Variants in PABPN1L observed in about 807,000 individuals in gnomAD.
The protein encoded by PABPN1L is embryonic polyadenylate-binding protein 2.
In PABPN1L, 45 loss-of-function variants were observed where a neutral mutation model predicts 34.0. The ratio of observed to expected loss-of-function variants is 1.32; its 90% CI spans 1.04 to 1.70. The LOEUF (loss-of-function observed/expected upper bound fraction) is 1.70, where lower values mean the gene tolerates loss of function less well. Ranked by LOEUF, PABPN1L falls within the 40% of genes most tolerant of loss-of-function variation. The probability of loss-of-function intolerance (pLI) is 0.00; values close to 1 mark genes in which losing one functional copy is unlikely to be tolerated. For missense variants in PABPN1L, 459 were observed against 367.8 expected (o/e 1.25, Z -2.03); for synonymous variants, 182 against 152.1 (o/e 1.20, Z -1.45).
Position 88,864,941 on chromosome 16 carries a change from C to G in PABPN1L, c.567-1G>C, listed in dbSNP as rs769767900. 1.3e-5 allele frequency: 14 copies of G among 1,060,336 alleles called. No homozygotes were observed. Among genetic ancestry groups the G allele is most frequent in the African/African-American group, 2.0e-5 (1 of 49,442 alleles). The allele number at this position is 1,060,336 out of a possible 1,614,324, so 65.7% of individuals were successfully genotyped here. The stretch of plus-strand genomic sequence containing the variant: ...GGTGGCAAACTCTATGTAGGCATAA[C>G]TGAGGGGAGGGGCAGGGAGGGGAGG... On this transcript the variant is annotated splice_acceptor_variant, in intron 4 of 6. Transcript: ENST00000419291. LOFTEE classifies it high-confidence loss of function.
At chr16:88,866,429 C>A (rs1006266517) in exon 1 of PABPN1L, 1 of 1,551,560 alleles carries the variant, frequency 6.4e-7, no homozygotes. Flanking sequence ...CCATCCTGGT[C>A]TTCCTCTGCA....
At chr16:88,867,598 G>C (rs1181614401), upstream of PABPN1L, among the ~76,000 whole-genome samples, 2 of 151,784 alleles carry the variant, frequency 1.3e-5, no homozygotes, top group Non-Finnish European at 2.9e-5. Context: ...CGGGGGCTCC[G>C]TGGGGAGTGA....
upstream of PABPN1L, among the ~76,000 whole-genome samples, chr16:88,866,908 T>C (rs185776390): frequency 3.0e-4 from 46 of 152,348 alleles, 2 homozygotes; most frequent in African/African-American, 1.1e-3. Context: ...ACTGGAGCCT[T>C]GGTCTGTGAC....
In PABPN1L at chr16:88,866,347, G is replaced by A. The variant is rs370971701; in HGVS notation, c.255+5C>T. The A allele has an allele frequency of 2.4e-5, 37 of 1,548,604 alleles. No individual in the cohort carries two copies. The highest frequency in any genetic ancestry group is 3.1e-5 in the Non-Finnish European group (35 of 1,146,742). On this transcript the variant is annotated splice_donor_5th_base_variant and intron_variant, in intron 1 of 6. Coordinates refer to ENST00000419291, the Ensembl canonical transcript of PABPN1L. ...AGATCCCCAGGGCCTCCACACAGCT[G>A]TTACCTGGTCAGGCAATGGGCACTC...
At chr16:88,865,492 C>T (rs1177395355) in intron 3 of PABPN1L, 71 bp downstream of exon 3, 19 of 1,550,370 alleles carry the variant, frequency 1.2e-5, no homozygotes, top group East Asian at 9.7e-5. Flanking sequence ...GGCCCATGGC[C>T]GGGCGCCAGA....
At position 88,863,803 on chromosome 16, in the gene PABPN1L, G is replaced by A; in HGVS notation, c.798-8C>T. ...GAGAATTTTCCACGGGCCCTGCACGGAGAGAGAACACACACTGAGTGGCCT... is the reference window on the plus strand; with the variant it reads ...GAGAATTTTCCACGGGCCCTGCACGAAGAGAGAACACACACTGAGTGGCCT... On this transcript the variant is annotated splice_region_variant and splice_polypyrimidine_tract_variant and intron_variant, in intron 6 of 6. Coordinates refer to ENST00000419291, the Ensembl canonical transcript of PABPN1L. The A allele has an allele frequency of 6.5e-7, 1 of 1,535,808 alleles. No individual in the cohort carries two copies. Among genetic ancestry groups the A allele is most frequent in the South Asian group, 1.2e-5 (1 of 84,040 alleles).
chr16:88,867,589 G>A (rs1350610346), upstream of PABPN1L, among the ~76,000 whole-genome samples: 3 of 152,128 alleles, frequency 2.0e-5, no homozygotes, highest in South Asian at 4.1e-4. Flanking sequence ...GCTGTGGGGC[G>A]GGGGCTCCGT....
rs369188821 is a variant in PABPN1L at position 88,866,547 on chromosome 16, C to T, written c.60G>A (p.Thr20=). Reference sequence around the variant, plus strand: ...CCTGGGCCTCAGGGTCTGAGGAGACCGTCTGGAGCCAGGCCTGAGTCGGGG... The same window carrying T: ...CCTGGGCCTCAGGGTCTGAGGAGACTGTCTGGAGCCAGGCCTGAGTCGGGG... The change falls in exon 1 of 7, where the codon ACG becomes ACA. Residue 20 remains threonine, a synonymous_variant. Coordinates refer to ENST00000419291, the Ensembl canonical transcript of PABPN1L. 4.9e-4 allele frequency: 759 copies of T among 1,551,954 alleles called. 4 individuals are homozygous for T. The highest frequency in any genetic ancestry group is 2.6e-4 in the Non-Finnish European group (301 of 1,147,624).
intron 5 of PABPN1L, 65 bp downstream of exon 5, chr16:88,864,788 G>C (rs951490505): frequency 2.0e-6 from 3 of 1,474,336 alleles, no homozygotes; most frequent in Non-Finnish European, 2.8e-6. Context: ...GCTGCTGTGT[G>C]TCCCAGGGCC....
At chr16:88,866,695 A>C (rs1341168804), upstream of PABPN1L, 12 of 1,437,252 alleles carry the variant, frequency 8.3e-6, no homozygotes, top group Admixed American at 3.0e-4. Flanking sequence ...CTGGAGTTTT[A>C]AGCCCTCCCC....
chr16:88,865,128 C>T (rs1968559301), exon 4 of PABPN1L: 1 of 1,567,126 alleles, frequency 6.4e-7, no homozygotes, highest in Non-Finnish European at 8.6e-7. Flanking sequence ...CCGTAGTCCA[C>T]CTGCACCCAG....
At chr16:88,863,466 T>C in exon 7 of PABPN1L, 1 of 553,762 alleles carries the variant, frequency 1.8e-6, no homozygotes, top group South Asian at 2.2e-5. Context: ...TGCCTGGGAC[T>C]CTGCTCCTCC....
intron 2 of PABPN1L, 23 bp downstream of exon 2, chr16:88,865,783 C>A (rs779590368): frequency 1.4e-5 from 22 of 1,589,298 alleles, no homozygotes; most frequent in Non-Finnish European, 1.8e-5. Context: ...CAGTGGGGGG[C>A]GGCCTGTGCC....
chr16:88,865,972 C>G, intron 1 of PABPN1L, 31 bp from the exon 2 acceptor site: 1 of 1,589,666 alleles, frequency 6.3e-7, no homozygotes, highest in Non-Finnish European at 8.5e-7. Flanking sequence ...GCCGGGCAGG[C>G]AGCCTGCAGG....
chr16:88,863,686 C>T (rs1175326822), exon 7 of PABPN1L: 1 of 1,509,644 alleles, frequency 6.6e-7, no homozygotes, highest in Non-Finnish European at 8.9e-7. Context: ...TGCCCCAGCC[C>T]CAGGATGGAG....
upstream of PABPN1L, among the ~76,000 whole-genome samples, chr16:88,868,447 A>G (rs1968641507): frequency 6.6e-6 from 1 of 152,180 alleles, no homozygotes; most frequent in Non-Finnish European, 1.5e-5. Flanking sequence ...TACTAAAAAT[A>G]CAAAAACAAT....
At chr16:88,866,051 C>T in intron 1 of PABPN1L, 110 bp from the exon 2 acceptor site, 1 of 1,430,658 alleles carries the variant, frequency 7.0e-7, no homozygotes, top group Non-Finnish European at 9.2e-7. Context: ...AAGGGGCAGC[C>T]CTTCTCTGGA....
rs970761736 is a variant in PABPN1L at position 88,863,838 on chromosome 16, G to A, written c.798-43C>T. ...ACACACTGAGTGGCCTTCCAGAGGA[G>A]AAGGGGTGGTGGCCCAGGGCCCCGG... is the stretch of plus-strand genomic sequence containing the variant. On this transcript the variant is annotated intron_variant, in intron 6 of 6. Coordinates refer to ENST00000419291, the Ensembl canonical transcript of PABPN1L. The A allele has an allele frequency of 2.9e-5, 44 of 1,523,326 alleles. No homozygotes were observed. The East Asian group carries it at 5.4e-4, about 19-fold the overall frequency. 94.4% of individuals were successfully genotyped at this position (1,523,326 alleles called of 1,614,324 possible). A position where few individuals can be genotyped will look rare whatever the true frequency, so the allele number is the denominator to read the frequency against.
exon 2 of PABPN1L, chr16:88,865,841 G>A (rs1025724965): frequency 6.2e-6 from 10 of 1,609,596 alleles, no homozygotes; most frequent in Non-Finnish European, 8.5e-6. Flanking sequence ...CCCGGCCGCG[G>A]TGCCCTCCTC....
Sources: allele counts gnomAD v4.1 joint callset (sites outside exome capture counted in the v4.1 genomes callset), GRCh38; gene constraint gnomAD v4.1.1; transcripts MANE v1.5; gene names NCBI Gene and HGNC (gene_info 2026-07-23, HGNC 2026-07-21).